The following NFE2L1 variants were observed in gnomAD, a reference collection of about 807,000 sequenced individuals.
The protein encoded by NFE2L1 is endoplasmic reticulum membrane sensor NFE2L1.
A neutral mutation model predicts 61.6 loss-of-function variants in NFE2L1; 18 were observed. That is an observed-to-expected ratio of 0.29 (90% confidence interval 0.20 to 0.43). The LOEUF (loss-of-function observed/expected upper bound fraction) is 0.43, where lower values mean the gene tolerates loss of function less well. NFE2L1 is among the 20% of genes least tolerant of loss of function. The pLI, the probability that NFE2L1 is intolerant of heterozygous loss-of-function variation, is 1.00. For synonymous variants in NFE2L1, 419 were observed against 402.7 expected (o/e 1.04, Z -0.48); for missense variants, 827 against 973.5 (o/e 0.85, Z 2.00).
intron 1 of NFE2L1, among the ~76,000 whole-genome samples, chr17:48,050,392 T>A (rs1036860169): frequency 6.6e-6 from 1 of 152,058 alleles, no homozygotes; most frequent in Non-Finnish European, 1.5e-5. Flanking sequence ...GGCAGGAGAA[T>A]CGCTTGAATG....
At position 48,058,812 on chromosome 17, in the gene NFE2L1, C is replaced by T. The variant is rs923065762; in HGVS notation, c.1490C>T (p.Ser497Phe). The change falls in exon 6 of 6, where the codon TCT (serine) becomes TTT (phenylalanine). Residue 497 changes from serine (S) to phenylalanine (F), a missense_variant. Ser to Phe is a radical substitution (Grantham distance 155, BLOSUM62 -2). Around this residue, in one of 3 missense-constraint regions of NFE2L1, gnomAD observed 667 missense variants for 748.4 expected, o/e 0.89. Coordinates refer to ENST00000362042, the MANE Select transcript of NFE2L1 (RefSeq NM_003204.3). ...TCCCTAAGCAGCTCTGAAGGCAGTT[C>T]TTCCTCTTCTTCCTCCTCCTCTTCC... ...PSSLSSSEGS[S>F]SSSSSSSSSS... is the part of the protein sequence containing the mutation. 2.5e-6 allele frequency: 4 copies of T among 1,613,908 alleles called. No individual in the cohort carries two copies. Among genetic ancestry groups the T allele is most frequent in the Admixed American group, 3.3e-5 (2 of 60,004 alleles).
Position 48,051,482 on chromosome 17 carries a change from C to T in NFE2L1, c.364C>T (p.Leu122Phe). 2 of 1,614,134 alleles carry T rather than the reference C, an allele frequency of 1.2e-6. No individual in the cohort carries two copies. The highest frequency in any genetic ancestry group is 1.1e-5 in the South Asian group (1 of 91,088). ...SVSGSQPNSGLALESSSGLQD... is the reference protein window; with the variant it reads ...SVSGSQPNSGFALESSSGLQD... ...CTCTGGCAGTCAGCCCAACTCAGGC[C>T]TCGCCCTCGAGAGTTCCAGTGGCCT... Residue 122 changes from leucine to phenylalanine, a missense_variant, in exon 2 of 6, where the codon CTC becomes TTC. Around this residue, in one of 3 missense-constraint regions of NFE2L1, gnomAD observed 667 missense variants for 748.4 expected, o/e 0.89. Coordinates refer to ENST00000362042, the MANE Select transcript of NFE2L1 (RefSeq NM_003204.3).
rs775935767 is a variant in NFE2L1, at chr17:48,058,559, C to A, written c.1237C>A (p.Leu413Met). 3.7e-6 allele frequency: 6 copies of A among 1,613,590 alleles called. No homozygotes were observed. The South Asian group carries it at 5.5e-5, about 15-fold the overall frequency. ...SLNSTFGSTN[L>M]TGLFFPPQLN... is the part of the protein sequence containing the mutation. ...CAACTCCACCTTCGGCTCCACCAAC[C>A]TGACAGGGCTCTTCTTTCCACCCCA... is the stretch of plus-strand genomic sequence containing the variant. The change falls in exon 6 of 6, where the codon CTG (leucine) becomes ATG (methionine). Residue 413 changes from leucine to methionine, a missense_variant. Transcript: ENST00000362042.
At position 48,060,913 on chromosome 17, in the gene NFE2L1, C is replaced by G. The variant is rs990075355; in HGVS notation, c.*1272C>G. 1.3e-5 allele frequency: 2 copies of G among 152,648 alleles called. No individual in the cohort carries two copies. The highest frequency in any genetic ancestry group is 4.8e-5 in the African/African-American group (2 of 41,444). 9.5% of individuals were successfully genotyped at this position (152,648 alleles called of 1,614,324 possible). On this transcript the variant is annotated 3_prime_UTR_variant, in exon 6 of 6. Coordinates refer to ENST00000362042, the MANE Select transcript of NFE2L1 (RefSeq NM_003204.3). ...AGGAGATGCCCAATATTCAAAGCTG[C>G]TAAATGTTCTCTTTGCCATAAAGAC...
chr17:48,057,002 C>T (rs1363755412), intron 3 of NFE2L1, 30 bp from the exon 4 acceptor site: 1 of 1,610,888 alleles, frequency 6.2e-7, no homozygotes. Flanking sequence ...AGGCCCAGGT[C>T]AATCAGACTT....
At chr17:48,056,988 GC>G (rs1453294546) in intron 3 of NFE2L1, 43 bp from the exon 4 acceptor site, 44 of 1,601,062 alleles carry the variant, frequency 2.7e-5, no homozygotes, top group Non-Finnish European at 3.8e-5. Flanking sequence ...GCCCCAGGCA[GC>G]CAAGGCCCAG....
At chr17:48,058,269 A>G (rs2037452053) in intron 5 of NFE2L1, 26 bp from the exon 6 acceptor site, 4 of 1,539,248 alleles carry the variant, frequency 2.6e-6, no homozygotes, top group Non-Finnish European at 3.5e-6. Flanking sequence ...TTCCTAGTGA[A>G]CAGTGGTGCT....
intron 5 of NFE2L1, 102 bp downstream of exon 5, chr17:48,057,604 C>G: frequency 2.8e-6 from 4 of 1,419,270 alleles, no homozygotes; most frequent in Non-Finnish European, 2.9e-6. Context: ...GTAATACTTT[C>G]CCTGAATCAT....
At chr17:48,052,125 T>C (rs1478767359) in intron 2 of NFE2L1, among the ~76,000 whole-genome samples, 1 of 152,114 alleles carries the variant, frequency 6.6e-6, no homozygotes, top group Admixed American at 6.5e-5. Flanking sequence ...AAGGGTAGAT[T>C]TGGATAGTTA....
chr17:48,059,863 G>A lies in NFE2L1; in HGVS notation c.*222G>A, dbSNP rs190642119. 3.9e-4 allele frequency: 234 copies of A among 599,048 alleles called. No individual in the cohort carries two copies. Among genetic ancestry groups the A allele is most frequent in the African/African-American group, 3.9e-3 (211 of 54,306 alleles). The allele number at this position is 599,048 out of a possible 1,614,324, so 37.1% of individuals were successfully genotyped here. On this transcript the variant is annotated 3_prime_UTR_variant, in exon 6 of 6. Coordinates refer to ENST00000362042, the MANE Select transcript of NFE2L1 (RefSeq NM_003204.3). This position sits in a 1 kb window ranked among gnomAD's most constrained non-coding sequence, Gnocchi z 6.1. ...GTGGCCAGACCATTTAGACGGACAG[G>A]GTCCTCACCCTACCCCTTTCCTGTG...
At position 48,058,325 on chromosome 17, in the gene NFE2L1, A is replaced by G; in HGVS notation, c.1003A>G (p.Ile335Val). 1.2e-6 allele frequency: 2 copies of G among 1,607,502 alleles called. No homozygotes were observed. Among genetic ancestry groups the G allele is most frequent in the Non-Finnish European group, 1.7e-6 (2 of 1,175,968 alleles). ...GGAAGTGAACACATCAGCAAGTGAA[A>G]TCCTGTACAGTGCCCCTCCTGGAGA... ...AMEVNTSASE[I>V]LYSAPPGDPL... The change falls in exon 6 of 6, where the codon ATC (isoleucine) becomes GTC (valine). Residue 335 changes from isoleucine to valine, a missense_variant. Around this residue, in one of 3 missense-constraint regions of NFE2L1, gnomAD observed 667 missense variants for 748.4 expected, o/e 0.89. Coordinates refer to ENST00000362042, the MANE Select transcript of NFE2L1 (RefSeq NM_003204.3).
Position 48,058,825 on chromosome 17 carries a change from CTCCTCCTCT to C in NFE2L1, c.1509_1517del (p.Ser507_Ser509del), listed in dbSNP as rs2037472334. The C allele has an allele frequency of 1.2e-6, 2 of 1,613,876 alleles. No homozygotes were observed. Among genetic ancestry groups the C allele is most frequent in the Non-Finnish European group, 8.5e-7 (1 of 1,180,014 alleles). On this transcript the variant is annotated inframe_deletion, in exon 6 of 6. Transcript: ENST00000362042. Reference sequence around the variant, plus strand: ...CTGAAGGCAGTTCTTCCTCTTCTTCCTCCTCCTCTTCCTCTTCTTCCTCTGCTTCTTCCT... The same window carrying C: ...CTGAAGGCAGTTCTTCCTCTTCTTCCTCCTCTTCTTCCTCTGCTTCTTCCT...
At chr17:48,054,543 A>T in intron 2 of NFE2L1, 1 of 1,148,374 alleles carries the variant, frequency 8.7e-7, no homozygotes, top group Non-Finnish European at 1.1e-6. Context: ...TGCGCAGCCC[A>T]GCTGCTGACC....
chr17:48,054,969 C>T (rs1598285940), intron 2 of NFE2L1: 2 of 1,479,612 alleles, frequency 1.4e-6, no homozygotes, highest in Non-Finnish European at 1.8e-6. Flanking sequence ...CCTTGCAGCC[C>T]CCTGTCCGGC....
At chr17:48,051,766 G>A in intron 2 of NFE2L1, 138 bp downstream of exon 2, 1 of 1,104,278 alleles carries the variant, frequency 9.1e-7, no homozygotes, top group Non-Finnish European at 1.3e-6. Flanking sequence ...CTTGGGTAGG[G>A]ATGGGCTGAA....
At chr17:48,049,701 T>G (rs537616304) in intron 1 of NFE2L1, among the ~76,000 whole-genome samples, 99 of 152,364 alleles carry the variant, frequency 6.5e-4, no homozygotes, top group Non-Finnish European at 8.7e-4. Context: ...TTTTCTTTTG[T>G]AAGTTGTGAG....
chr17:48,049,081 T>C (rs1208374380), intron 1 of NFE2L1: 2 of 152,296 alleles, frequency 1.3e-5, no homozygotes, highest in African/African-American at 4.8e-5. Flanking sequence ...TGTGCGCACG[T>C]TCGTGTGTGT....
rs2037233176 is a variant in NFE2L1 at position 48,050,936 on chromosome 17, C to A, written c.-183C>A. The A allele has an allele frequency of 7.4e-6, 5 of 677,934 alleles. No homozygotes were observed. The South Asian group carries it at 9.1e-5, about 12-fold the overall frequency. The allele number at this position is 677,934 out of a possible 1,614,324, so 42.0% of individuals were successfully genotyped here. ...CTGGAGTGTGTCCTTGGCCTTGGCT[C>A]CACAGGGTGTGCTTTCCTCTGGGGC... is the stretch of plus-strand genomic sequence containing the variant. On this transcript the variant is annotated 5_prime_UTR_variant, in exon 2 of 6. Coordinates refer to ENST00000362042, the MANE Select transcript of NFE2L1 (RefSeq NM_003204.3).
chr17:48,051,107 G>C lies in NFE2L1; in HGVS notation c.-12G>C. 3 of 1,614,116 alleles carry C rather than the reference G, an allele frequency of 1.9e-6. No homozygotes were observed. Among genetic ancestry groups the C allele is most frequent in the Non-Finnish European group, 2.5e-6 (3 of 1,180,020 alleles). On this transcript the variant is annotated 5_prime_UTR_variant, in exon 2 of 6. Coordinates refer to ENST00000362042, the MANE Select transcript of NFE2L1 (RefSeq NM_003204.3). ...AAAAACCAAAAAGCATAAACATTCT[G>C]GTCCTTCAGCAATGCTTTCTCTGAA...
Sources: allele counts gnomAD v4.1 joint callset (sites outside exome capture counted in the v4.1 genomes callset), GRCh38; gene constraint gnomAD v4.1.1; regional missense constraint gnomAD v4.1.1; non-coding constraint Gnocchi (gnomAD v3.1); transcripts MANE v1.5; gene names NCBI Gene and HGNC (gene_info 2026-07-23, HGNC 2026-07-21).